Variants in BFSP1 observed in about 807,000 individuals in gnomAD.
BFSP1 encodes the protein filensin.
A neutral mutation model predicts 43.9 loss-of-function variants in BFSP1; 38 were observed. That is an observed-to-expected ratio of 0.87 (90% CI 0.67 to 1.14). The LOEUF is 1.14. BFSP1 is among the 50% of genes most tolerant of loss of function. The probability of loss-of-function intolerance (pLI) is 0.00; values close to 1 mark genes in which losing one functional copy is unlikely to be tolerated. For synonymous variants in BFSP1, 352 were observed against 354.8 expected (o/e 0.99, Z 0.09); for missense variants, 850 against 875.1 (o/e 0.97, Z 0.36).
At chr20:17,497,444 GTA>G (rs33978658) in intron 6 of BFSP1, among the ~76,000 whole-genome samples, 73,931 of 124,668 alleles carry the variant, frequency 0.59, 19,435 homozygotes, top group African/African-American at 0.69. Context: ...ATATATACGT[GTA>G]TGTATATATA....
At chr20:17,542,197 C>G (rs2034728648) in intron 1 of BFSP1, among the ~76,000 whole-genome samples, 1 of 152,068 alleles carries the variant, frequency 6.6e-6, no homozygotes, top group Admixed American at 6.6e-5. Flanking sequence ...ATTTTGCAAG[C>G]TGGTTGACAC....
chr20:17,497,709 A>T (rs891413044), intron 6 of BFSP1, among the ~76,000 whole-genome samples: 3 of 151,534 alleles, frequency 2.0e-5, no homozygotes, highest in Non-Finnish European at 4.4e-5. Flanking sequence ...CACATCATAT[A>T]TAAATAGAGA....
chr20:17,566,129 A>G (rs1273082363), intron 1 of BFSP1, among the ~76,000 whole-genome samples: 2 of 151,702 alleles, frequency 1.3e-5, no homozygotes, highest in African/African-American at 2.4e-5. Flanking sequence ...AAAAAAAAAA[A>G]AAAAAAAAAA....
chr20:17,544,828 G>A (rs1164553081), intron 1 of BFSP1, among the ~76,000 whole-genome samples: 2 of 152,146 alleles, frequency 1.3e-5, no homozygotes, highest in Non-Finnish European at 2.9e-5. Context: ...CAAGCTTTTA[G>A]CAGCTGTAAT....
intron 1 of BFSP1, among the ~76,000 whole-genome samples, chr20:17,557,512 G>A (rs16999404): frequency 0.029 from 4,376 of 152,214 alleles, 72 homozygotes; most frequent in African/African-American, 0.042. Flanking sequence ...GGGCCCTCCT[G>A]GCTCAAGGGA....
intron 1 of BFSP1, among the ~76,000 whole-genome samples, chr20:17,552,182 G>T (rs945765222): frequency 3.3e-5 from 5 of 152,146 alleles, no homozygotes; most frequent in African/African-American, 1.2e-4. Context: ...TTTAGACAGG[G>T]TGGTCAGAGA....
intron 4 of BFSP1, among the ~76,000 whole-genome samples, chr20:17,510,365 G>A (rs1041219143): frequency 8.5e-5 from 13 of 152,216 alleles, no homozygotes; most frequent in Admixed American, 8.5e-4. Flanking sequence ...ACACCTTTGA[G>A]TTAGAGTTGG....
At position 17,511,992 on chromosome 20, in the gene BFSP1, G is replaced by GTCACAATGGATGCTGGAGGA. The variant is rs771029479; in HGVS notation, c.591_610dup (p.Thr204IlefsTer7). On this transcript the variant is annotated stop_gained and frameshift_variant, in exon 4 of 8. Coordinates refer to ENST00000377873, the MANE Select transcript of BFSP1 (RefSeq NM_001195.5). LOFTEE classifies it high-confidence loss of function. ...AATTCTTACCTCCCTCATCCCACTC[G>GTCACAATGGATGCTGGAGGA]TCACAATGGATGCTGGAGGAGTGGT... 35 of 1,608,850 alleles carry GTCACAATGGATGCTGGAGGA rather than the reference G, an allele frequency of 2.2e-5. No individual in the cohort carries two copies. Among genetic ancestry groups the GTCACAATGGATGCTGGAGGA allele is most frequent in the Non-Finnish European group, 2.9e-5 (34 of 1,175,534 alleles).
chr20:17,561,984 G>C (rs1251885286), upstream of BFSP1, among the ~76,000 whole-genome samples: 1 of 151,872 alleles, frequency 6.6e-6, no homozygotes, highest in Admixed American at 6.6e-5. Context: ...ATGACGGCGC[G>C]ATCTCGGCTC....
At chr20:17,548,003 C>T (rs1396997332) in intron 1 of BFSP1, among the ~76,000 whole-genome samples, 2 of 150,096 alleles carry the variant, frequency 1.3e-5, no homozygotes, top group African/African-American at 4.9e-5. Context: ...CCTGCCTCAG[C>T]CTCCGACAGT....
intron 1 of BFSP1, among the ~76,000 whole-genome samples, chr20:17,538,114 G>T (rs59229626): frequency 0.19 from 28,328 of 149,642 alleles, 2,894 homozygotes; most frequent in Non-Finnish European, 0.23. Context: ...GAAGGACACT[G>T]TGTCTCAAAA....
At chr20:17,557,534 C>T (rs1445706412) in intron 1 of BFSP1, among the ~76,000 whole-genome samples, 2 of 152,184 alleles carry the variant, frequency 1.3e-5, no homozygotes, top group Non-Finnish European at 2.9e-5. Context: ...GTCCATATAT[C>T]CATGAGTGGT....
At chr20:17,504,542 G>A (rs2033884844) in intron 5 of BFSP1, among the ~76,000 whole-genome samples, 1 of 152,138 alleles carries the variant, frequency 6.6e-6, no homozygotes. Flanking sequence ...AGGAAGAAAG[G>A]GGCTTCCAGG....
chr20:17,496,646 A>T (rs2033638409), intron 7 of BFSP1, among the ~76,000 whole-genome samples: 1 of 152,188 alleles, frequency 6.6e-6, no homozygotes, highest in Non-Finnish European at 1.5e-5. Context: ...TGCAAAAGTT[A>T]TTGCTGTCAA....
chr20:17,550,099 T>A (rs1394750050), intron 1 of BFSP1, among the ~76,000 whole-genome samples: 12 of 152,130 alleles, frequency 7.9e-5, no homozygotes, highest in Admixed American at 7.9e-4. Context: ...CACAACAGGC[T>A]TACCCACATC....
intron 2 of BFSP1, 49 bp from the exon 3 acceptor site, chr20:17,514,865 G>T: frequency 1.3e-6 from 2 of 1,554,508 alleles, no homozygotes; most frequent in Non-Finnish European, 1.8e-6. Context: ...TGGAGCATAG[G>T]GGTAAAGCTG....
intron 1 of BFSP1, among the ~76,000 whole-genome samples, chr20:17,553,110 G>A (rs567968755): frequency 1.3e-5 from 2 of 152,324 alleles, no homozygotes; most frequent in African/African-American, 4.8e-5. Flanking sequence ...GCCTGAAAAG[G>A]ACCAGATAGG....
Position 17,516,892 on chromosome 20 carries a change from T to C in BFSP1, c.439-2076A>G, listed in dbSNP as rs188940844. 9.3e-3 allele frequency: 6,317 copies of C among 678,626 alleles called. 45 individuals carry two copies. The highest frequency in any genetic ancestry group is 0.013 in the South Asian group (779 of 59,754). 42.0% of individuals were successfully genotyped at this position (678,626 alleles called of 1,614,324 possible). On this transcript the variant is annotated intron_variant, in intron 2 of 7. Transcript: ENST00000377873. ...ACAGGGAAGACCATCACCCTCAAGGTTGAACCCTCAGATACGATAGAAAAT... is the reference window on the plus strand; with the variant it reads ...ACAGGGAAGACCATCACCCTCAAGGCTGAACCCTCAGATACGATAGAAAAT...
intron 1 of BFSP1, among the ~76,000 whole-genome samples, chr20:17,565,175 C>T (rs527565487): frequency 1.3e-5 from 2 of 152,226 alleles, no homozygotes; most frequent in African/African-American, 4.8e-5. Flanking sequence ...TTTGCCTGTT[C>T]TAAAATTCCT....
Sources: gnomAD v4.1 joint callset for allele counts (sites outside exome capture counted in the v4.1 genomes callset) on GRCh38, gnomAD v4.1.1 for gene constraint, MANE v1.5 for transcripts, NCBI Gene and HGNC (gene_info 2026-07-23, HGNC 2026-07-21) for gene names.